The following NAALADL2 variants were observed in gnomAD, a reference collection of about 807,000 sequenced individuals.
NAALADL2 encodes inactive N-acetylated-alpha-linked acidic dipeptidase-like protein 2.
Under a neutral mutation model 87.2 loss-of-function variants are expected in NAALADL2, and 76 were observed. That is an observed-to-expected ratio of 0.87 (90% confidence interval 0.72 to 1.05). NAALADL2 has a LOEUF of 1.05. Ranked by LOEUF, NAALADL2 falls within the 50% of genes least tolerant of loss-of-function variation. NAALADL2 has a pLI of 0.00. For missense variants in NAALADL2, 1,089 were observed against 945.8 expected (o/e 1.15, Z -1.99); for synonymous variants, 354 against 331.0 (o/e 1.07, Z -0.75).
intron 5 of NAALADL2, among the ~76,000 whole-genome samples, chr3:175,379,950 CA>C (rs1286873012): frequency 1.3e-5 from 2 of 151,924 alleles, no homozygotes; most frequent in African/African-American, 4.8e-5. Flanking sequence ...ATCACAAGGA[CA>C]AAAAACCAAA....
At chr3:175,786,785 G>A (rs1050249319) in intron 13 of NAALADL2, among the ~76,000 whole-genome samples, 28 of 151,840 alleles carry the variant, frequency 1.8e-4, no homozygotes, top group Non-Finnish European at 2.2e-4. Flanking sequence ...GAGGAGAGGC[G>A]CTCTGCGTTT....
At position 175,783,273 on chromosome 3, in the gene NAALADL2, T is replaced by C. The variant is rs771288101; in HGVS notation, c.2190-19732T>C. ...CATTGGTAGCTTTATGGGGATGGCATTGAATCTGTAAATTACCTTGGGCAG... is the reference window on the plus strand; with the variant it reads ...CATTGGTAGCTTTATGGGGATGGCACTGAATCTGTAAATTACCTTGGGCAG... On this transcript the variant is annotated intron_variant, in intron 13 of 13. Coordinates refer to ENST00000454872, the MANE Select transcript of NAALADL2 (RefSeq NM_207015.3). 6.7e-3 allele frequency among the ~76,000 whole-genome samples: 1,014 copies of C among 152,260 alleles called. 36 individuals carry two copies. The highest frequency in any genetic ancestry group is 0.056 in the Admixed American group (862 of 15,284).
At chr3:174,722,562 C>T (rs778782018) in intron 2 of NAALADL2, among the ~76,000 whole-genome samples, 3 of 152,020 alleles carry the variant, frequency 2.0e-5, no homozygotes, top group African/African-American at 4.8e-5. Context: ...ATTAGCCGGG[C>T]GCTGTGGCAG....
chr3:175,544,832 T>C (rs887305023), intron 9 of NAALADL2, among the ~76,000 whole-genome samples: 3 of 152,128 alleles, frequency 2.0e-5, no homozygotes, highest in Admixed American at 1.3e-4. Flanking sequence ...TTTCTGCCTA[T>C]GTTATGGGCT....
intron 13 of NAALADL2, among the ~76,000 whole-genome samples, chr3:175,798,118 C>G (rs1302827412): frequency 6.6e-6 from 1 of 151,928 alleles, no homozygotes; most frequent in African/African-American, 2.4e-5. Context: ...AAAAGATGAG[C>G]TAATTCTGAA....
At chr3:174,735,307 G>A (rs1008843765) in intron 2 of NAALADL2, among the ~76,000 whole-genome samples, 7 of 152,118 alleles carry the variant, frequency 4.6e-5, no homozygotes, top group African/African-American at 1.4e-4. Flanking sequence ...GGCAATGTGT[G>A]GGGCACATTA....
intron 3 of NAALADL2, among the ~76,000 whole-genome samples, chr3:174,845,763 T>G (rs959193452): frequency 3.3e-5 from 5 of 152,108 alleles, no homozygotes; most frequent in Non-Finnish European, 7.4e-5. Context: ...GGGGATAGGG[T>G]ACCTCATGGT....
intron 2 of NAALADL2, among the ~76,000 whole-genome samples, chr3:174,702,775 A>C (rs149954672): frequency 6.6e-6 from 1 of 152,040 alleles, no homozygotes; most frequent in African/African-American, 2.4e-5. Flanking sequence ...TTATGAGACC[A>C]CTCTTGTATA....
rs182178084 is a variant in NAALADL2, at chr3:174,756,856, C to A, written c.-9+19110C>A. Among the ~76,000 whole-genome samples the A allele has an allele frequency of 4.0e-3, 612 of 152,228 alleles. 4 individuals are homozygous for A. The highest frequency in any genetic ancestry group is 0.014 in the African/African-American group (590 of 41,552). ...CACATGTTCTTCTTTCTTCTTAGAT[C>A]CCCCTTCTCAACCATCCATATTTGA... On this transcript the variant is annotated intron_variant, in intron 3 of 3. Coordinates refer to the NAALADL2 transcript ENST00000434257.
intron 9 of NAALADL2, among the ~76,000 whole-genome samples, chr3:175,565,562 C>A (rs868024532): frequency 8.3e-4 from 127 of 152,146 alleles, no homozygotes; most frequent in African/African-American, 2.8e-3. Flanking sequence ...TGTCCCTTAC[C>A]CCAGCAGAGG....
intron 1 of NAALADL2, among the ~76,000 whole-genome samples, chr3:174,893,991 A>G (rs903675280): frequency 2.0e-5 from 3 of 152,218 alleles, no homozygotes; most frequent in Non-Finnish European, 4.4e-5. Flanking sequence ...ACCTGTGAAG[A>G]CAAATATAGA....
intron 1 of NAALADL2, among the ~76,000 whole-genome samples, chr3:174,481,559 C>G (rs1717553049): frequency 6.6e-6 from 1 of 152,196 alleles, no homozygotes; most frequent in Middle Eastern, 3.4e-3. Context: ...ATACCACTGC[C>G]ATTGATGCCT....
intron 2 of NAALADL2, among the ~76,000 whole-genome samples, chr3:175,193,137 A>C (rs981980136): frequency 2.6e-5 from 4 of 151,964 alleles, no homozygotes; most frequent in Admixed American, 1.3e-4. Context: ...TACTTATTTA[A>C]GCAAATGTGG....
Position 175,790,433 on chromosome 3 carries a change from G to A in NAALADL2, c.2190-12572G>A, listed in dbSNP as rs952716. Among the ~76,000 whole-genome samples, 73 of 152,276 alleles carry A rather than the reference G, an allele frequency of 4.8e-4. No homozygotes were observed. The East Asian group carries it at 0.014, about 28-fold the overall frequency. Reference sequence around the variant, plus strand: ...AACATTCTTTTATGTGACACAAGCAGAGCCAGTAGATGTTTAGATGCTTGA... The same window carrying A: ...AACATTCTTTTATGTGACACAAGCAAAGCCAGTAGATGTTTAGATGCTTGA... On this transcript the variant is annotated intron_variant, in intron 13 of 13. Transcript: ENST00000454872.
chr3:175,471,366 C>A (rs978360810), intron 8 of NAALADL2, among the ~76,000 whole-genome samples: 5 of 151,184 alleles, frequency 3.3e-5, no homozygotes, highest in African/African-American at 1.2e-4. Context: ...CGCCTGTAGT[C>A]CCAGCTACTG....
At chr3:174,964,801 G>C (rs1321256185) in intron 1 of NAALADL2, among the ~76,000 whole-genome samples, 1 of 151,562 alleles carries the variant, frequency 6.6e-6, no homozygotes, top group African/African-American at 2.4e-5. Flanking sequence ...GCCAGATACT[G>C]TTCTATGTGC....
intron 4 of NAALADL2, among the ~76,000 whole-genome samples, chr3:175,299,524 G>A (rs1756781368): frequency 1.3e-5 from 2 of 151,892 alleles, no homozygotes; most frequent in African/African-American, 4.8e-5. Context: ...CTTGTAAGTT[G>A]TATTCCTAGT....
At chr3:175,346,703 T>C (rs1426218380) in intron 5 of NAALADL2, among the ~76,000 whole-genome samples, 1 of 152,136 alleles carries the variant, frequency 6.6e-6, no homozygotes, top group East Asian at 1.9e-4. Flanking sequence ...AATCACACAA[T>C]GTGAAACGAC....
intron 1 of NAALADL2, among the ~76,000 whole-genome samples, chr3:175,073,876 CTTCT>C (rs1391204640): frequency 1.2e-4 from 19 of 152,040 alleles, no homozygotes; most frequent in African/African-American, 4.6e-4. Flanking sequence ...TCAGTTAGGA[CTTCT>C]TTCACCACTT....
Sources: allele counts gnomAD v4.1 joint callset (sites outside exome capture counted in the v4.1 genomes callset), GRCh38; gene constraint gnomAD v4.1.1; transcripts MANE v1.5; gene names NCBI Gene and HGNC (gene_info 2026-07-23, HGNC 2026-07-21).